The following SORBS2 variants were observed in gnomAD, a reference collection of about 807,000 sequenced individuals.
SORBS2 encodes sorbin and SH3 domain containing 2.
SORBS2 carries 46 observed loss-of-function variants against 97.7 expected under a neutral mutation model. The ratio of observed to expected loss-of-function variants is 0.47; its 90% CI spans 0.37 to 0.60. The LOEUF (loss-of-function observed/expected upper bound fraction) is 0.60, where lower values mean the gene tolerates loss of function less well. Ranked by LOEUF, SORBS2 falls within the 20% of genes least tolerant of loss-of-function variation. The pLI is 0.00. For missense variants in SORBS2, 1,316 were observed against 1,282.3 expected, an observed-to-expected ratio of 1.03 and a Z score of -0.40; for synonymous variants, 476 against 473.4, an observed-to-expected ratio of 1.01 and a Z score of -0.07.
chr4:185,807,881 A>G (rs1334618083), intron 1 of SORBS2, among the ~76,000 whole-genome samples: 1 of 152,238 alleles, frequency 6.6e-6, no homozygotes, highest in Non-Finnish European at 1.5e-5. Flanking sequence ...TCTTTATAAA[A>G]TACAAGTGCA....
In SORBS2 at chr4:185,685,118, T is replaced by A. The variant is rs143106195; in HGVS notation, c.-197-6296A>T. On this transcript the variant is annotated intron_variant, in intron 2 of 20. Transcript: ENST00000284776. ...ACTTAATACTTAACATTTTATGGTT[T>A]TCTTTGTGAAAACTCAGGCACAGAA... Among the ~76,000 whole-genome samples the A allele has an allele frequency of 7.4e-4, 113 of 152,372 alleles. 1 individual carries two copies. The highest frequency in any genetic ancestry group is 2.6e-3 in the African/African-American group (110 of 41,588).
intron 1 of SORBS2, among the ~76,000 whole-genome samples, chr4:185,816,818 C>T (rs559503787): frequency 6.6e-6 from 1 of 152,238 alleles, no homozygotes; most frequent in South Asian, 2.1e-4. Flanking sequence ...CAAAACCTTG[C>T]CAGAGAGCAA....
At chr4:185,921,164 TCCATGGTTC>T (rs941782756) in intron 1 of SORBS2, among the ~76,000 whole-genome samples, 2 of 152,242 alleles carry the variant, frequency 1.3e-5, no homozygotes, top group Admixed American at 6.5e-5. Context: ...GTTTCAATTT[TCCATGGTTC>T]CCATTCTCGT....
At chr4:185,872,282 G>T (rs2099230829) in intron 1 of SORBS2, among the ~76,000 whole-genome samples, 1 of 152,128 alleles carries the variant, frequency 6.6e-6, no homozygotes. Context: ...TTGGGCAACT[G>T]GTGCATGATT....
At chr4:185,827,246 C>CCATCAT (rs1321551838) in intron 1 of SORBS2, among the ~76,000 whole-genome samples, 2 of 7,836 alleles carry the variant, frequency 2.6e-4, no homozygotes, top group African/African-American at 4.8e-4. Flanking sequence ...ACCATCACCA[C>CCATCAT]CATCATCATC....
chr4:185,627,108 G>T, intron 5 of SORBS2, 89 bp from the exon 18 acceptor site: 1 of 1,101,666 alleles, frequency 9.1e-7, no homozygotes. Context: ...TAGTGACAAT[G>T]GCGTAACTCC....
chr4:185,916,531 T>C (rs1356937805), intron 1 of SORBS2, among the ~76,000 whole-genome samples: 1 of 152,218 alleles, frequency 6.6e-6, no homozygotes, highest in African/African-American at 2.4e-5. Flanking sequence ...ATAGCTGGAT[T>C]CTTGAAGTGG....
intron 1 of SORBS2, among the ~76,000 whole-genome samples, chr4:185,927,143 T>C (rs986091557): frequency 2.7e-5 from 4 of 148,944 alleles, no homozygotes; most frequent in Non-Finnish European, 5.9e-5. Flanking sequence ...TATTCTTACA[T>C]ACAACAATAC....
chr4:185,872,340 G>A (rs972171815), intron 1 of SORBS2, among the ~76,000 whole-genome samples: 4 of 152,128 alleles, frequency 2.6e-5, no homozygotes, highest in Admixed American at 6.5e-5. Context: ...TCTTATTAGA[G>A]GTGTGACCCT....
intron 1 of SORBS2, among the ~76,000 whole-genome samples, chr4:185,809,483 T>A (rs1369985087): frequency 8.0e-3 from 298 of 37,256 alleles, no homozygotes; most frequent in Middle Eastern, 0.024. Flanking sequence ...AAAAAAAAAA[T>A]CTGATATAGT....
At chr4:185,946,204 G>A (rs1448191565) in intron 1 of SORBS2, among the ~76,000 whole-genome samples, 2 of 136,978 alleles carry the variant, frequency 1.5e-5, no homozygotes, top group Non-Finnish European at 3.2e-5. Flanking sequence ...GGTGGGTGGG[G>A]AAGGAAAAAC....
chr4:185,614,890 C>G, exon 11 of SORBS2: 9 of 1,614,178 alleles, frequency 5.6e-6, no homozygotes, highest in Non-Finnish European at 7.6e-6. Context: ...GCTATAGCTT[C>G]TCCGATTTCT....
intron 1 of SORBS2, among the ~76,000 whole-genome samples, chr4:185,809,114 G>A (rs950855574): frequency 2.2e-4 from 34 of 152,006 alleles, no homozygotes; most frequent in Non-Finnish European, 7.4e-5. Flanking sequence ...TTGATAAAAG[G>A]CAGTATTAGG....
intron 4 of SORBS2, among the ~76,000 whole-genome samples, chr4:185,640,356 A>G (rs1414110331): frequency 6.6e-6 from 1 of 152,244 alleles, no homozygotes; most frequent in Admixed American, 6.5e-5. Flanking sequence ...AAACGACTAC[A>G]ATGGTGTTCT....
intron 1 of SORBS2, chr4:185,918,401 AT>A (rs1196321278): frequency 2.0e-5 from 3 of 152,192 alleles, no homozygotes; most frequent in African/African-American, 4.8e-5. Flanking sequence ...TCTCATACTG[AT>A]GTGCTAAATG....
intron 1 of SORBS2, among the ~76,000 whole-genome samples, chr4:185,942,153 G>A (rs1419961772): frequency 3.9e-5 from 6 of 151,952 alleles, no homozygotes; most frequent in African/African-American, 1.4e-4. Flanking sequence ...GAGAAACTAA[G>A]CAAGATACTG....
intron 2 of SORBS2, among the ~76,000 whole-genome samples, chr4:185,708,615 T>C (rs535276469): frequency 5.3e-5 from 8 of 152,308 alleles, no homozygotes; most frequent in South Asian, 4.1e-4. Context: ...TAATGAGCTA[T>C]TTTTAGTTTT....
exon 7 of SORBS2, chr4:185,624,036 G>T: frequency 6.2e-7 from 1 of 1,614,156 alleles, no homozygotes; most frequent in Non-Finnish European, 8.5e-7. Context: ...AGGTCCTTGC[G>T]GTTGATGCGG....
At chr4:185,649,564 G>A (rs372323775) in exon 3 of SORBS2, 30 of 1,605,600 alleles carry the variant, frequency 1.9e-5, no homozygotes, top group Non-Finnish European at 2.5e-5. Flanking sequence ...AAGGCATTGG[G>A]GCTGTTGTCG....
Sources: gnomAD v4.1 joint callset for allele counts (sites outside exome capture counted in the v4.1 genomes callset) on GRCh38, gnomAD v4.1.1 for gene constraint, MANE v1.5 for transcripts, NCBI Gene and HGNC (gene_info 2026-07-23, HGNC 2026-07-21) for gene names.